NRXN1: variants seen among roughly 807,000 people sequenced by gnomAD.
NRXN1 encodes the protein neurexin 1.
NRXN1 carries 39 observed loss-of-function variants against 150.9 expected under a neutral mutation model. The observed-to-expected ratio is 0.26, with a 90% CI of 0.20 to 0.34. The LOEUF is 0.34. Ranked by LOEUF, NRXN1 falls within the 10% of genes least tolerant of loss-of-function variation. The probability of loss-of-function intolerance (pLI) is 1.00; values close to 1 mark genes in which losing one functional copy is unlikely to be tolerated. For synonymous variants in NRXN1, 924 were observed against 757.0 expected, an observed-to-expected ratio of 1.22 and a Z score of -3.62; for missense variants, 1,815 against 1,949.9, an observed-to-expected ratio of 0.93 and a Z score of 1.30.
intron 1 of NRXN1, among the ~76,000 whole-genome samples, chr2:51,030,119 C>T (rs1367931053): frequency 6.6e-6 from 1 of 151,494 alleles, no homozygotes; most frequent in Non-Finnish European, 1.5e-5. Flanking sequence ...GATTTTTTTC[C>T]TAAGTCATTT....
chr2:50,913,213 A>G (rs1365058514), intron 5 of NRXN1, among the ~76,000 whole-genome samples: 1 of 151,826 alleles, frequency 6.6e-6, no homozygotes, highest in East Asian at 1.9e-4. Flanking sequence ...AGTTTAGAGG[A>G]AGATTTCTGG....
intron 2 of NRXN1, among the ~76,000 whole-genome samples, chr2:51,022,914 T>A (rs1669857620): frequency 6.6e-6 from 1 of 152,158 alleles, no homozygotes; most frequent in Non-Finnish European, 1.5e-5. Flanking sequence ...GCCACTGGGT[T>A]CCAAAGACCC....
chr2:50,503,414 C>T (rs2092055611), intron 13 of NRXN1, among the ~76,000 whole-genome samples: 1 of 151,540 alleles, frequency 6.6e-6, no homozygotes, highest in African/African-American at 2.4e-5. Context: ...TAATGAAACT[C>T]ACACTGGCAA....
At chr2:50,551,430 A>G (rs545061934) in intron 9 of NRXN1, 1 of 152,396 alleles carries the variant, frequency 6.6e-6, no homozygotes, top group African/African-American at 2.4e-5. Context: ...GAAGTAGAAA[A>G]TAGTTCAGCT....
chr2:50,523,097 G>C (rs2092841824), intron 12 of NRXN1, among the ~76,000 whole-genome samples: 1 of 151,628 alleles, frequency 6.6e-6, no homozygotes, highest in Admixed American at 6.6e-5. Flanking sequence ...GTTTTTATTT[G>C]TTTTCTGTCA....
At chr2:50,317,612 C>T (rs186980561) in intron 17 of NRXN1, among the ~76,000 whole-genome samples, 90 of 151,700 alleles carry the variant, frequency 5.9e-4, no homozygotes, top group African/African-American at 2.1e-3. Context: ...ACGAATGAAA[C>T]ATCTAAATAA....
intron 17 of NRXN1, among the ~76,000 whole-genome samples, chr2:50,458,736 G>C (rs557438055): frequency 2.2e-4 from 33 of 151,902 alleles, no homozygotes; most frequent in Admixed American, 1.8e-3. Context: ...TGTACCACCA[G>C]GCCCAGCTAA....
chr2:50,274,770 C>A (rs2070212298), intron 17 of NRXN1, among the ~76,000 whole-genome samples: 1 of 151,394 alleles, frequency 6.6e-6, no homozygotes, highest in Non-Finnish European at 1.5e-5. Context: ...GTCAAAAATG[C>A]CTTTCAACTA....
intron 21 of NRXN1, among the ~76,000 whole-genome samples, chr2:49,959,502 A>T (rs1675540042): frequency 6.6e-6 from 1 of 152,152 alleles, no homozygotes; most frequent in African/African-American, 2.4e-5. Flanking sequence ...CAAATTGAGA[A>T]GCCCTGGTAC....
intron 5 of NRXN1, among the ~76,000 whole-genome samples, chr2:50,682,806 A>C (rs979869778): frequency 6.6e-6 from 1 of 152,176 alleles, no homozygotes; most frequent in Non-Finnish European, 1.5e-5. Context: ...TAACATAGGA[A>C]AAATTTTAAA....
chr2:50,059,832 G>C (rs1694233561), intron 19 of NRXN1, among the ~76,000 whole-genome samples: 1 of 152,206 alleles, frequency 6.6e-6, no homozygotes, highest in Admixed American at 6.5e-5. Context: ...TGGGTGCAAA[G>C]AAGTCAAGTA....
chr2:50,332,174 A>T (rs2076880225), intron 17 of NRXN1, among the ~76,000 whole-genome samples: 1 of 152,196 alleles, frequency 6.6e-6, no homozygotes, highest in African/African-American at 2.4e-5. Context: ...TGTTGCAGGC[A>T]ATTTATTATA....
chr2:50,347,728 C>T lies in NRXN1; in HGVS notation c.3365-110758G>A. The T allele has an allele frequency of 1.0e-6, 1 of 986,148 alleles. No homozygotes were observed. The highest frequency in any genetic ancestry group is 1.2e-6 in the Non-Finnish European group (1 of 830,660). The allele number at this position is 986,148 out of a possible 1,614,324, so 61.1% of individuals were successfully genotyped here. A position where few individuals can be genotyped will look rare whatever the true frequency, so the allele number is the denominator to read the frequency against. The stretch of plus-strand genomic sequence containing the variant: ...CAGACGAAGGAGTAAGGGAGAGAAA[C>T]AGAAAAAGAAAAAGAAAAAGAAAAA... On this transcript the variant is annotated intron_variant, in intron 17 of 22. Coordinates refer to ENST00000401669, the MANE Select transcript of NRXN1 (RefSeq NM_001330078.2). This position sits in a 1 kb window ranked among gnomAD's most constrained non-coding sequence, Gnocchi z 4.9.
intron 5 of NRXN1, among the ~76,000 whole-genome samples, chr2:50,749,111 G>T (rs1212528474): frequency 6.6e-6 from 1 of 151,970 alleles, no homozygotes; most frequent in African/African-American, 2.4e-5. Context: ...AAACGTATAA[G>T]TCTGTTTTAT....
chr2:50,499,300 G>C (rs920717334), intron 13 of NRXN1, among the ~76,000 whole-genome samples: 7 of 151,938 alleles, frequency 4.6e-5, no homozygotes, highest in Non-Finnish European at 8.8e-5. Context: ...ACTCATCCTT[G>C]GCATGTTCTC....
chr2:50,646,576 G>C (rs1250718609), intron 5 of NRXN1, among the ~76,000 whole-genome samples: 1 of 151,862 alleles, frequency 6.6e-6, no homozygotes, highest in African/African-American at 2.4e-5. Context: ...GGACAAAAAG[G>C]AGCTAAATCA....
At chr2:50,266,575 A>G (rs1199365823) in intron 17 of NRXN1, among the ~76,000 whole-genome samples, 3 of 51,090 alleles carry the variant, frequency 5.9e-5, no homozygotes, top group African/African-American at 2.1e-4. Flanking sequence ...ACACACACAT[A>G]TTTTCTTTCT....
At chr2:50,089,587 G>C (rs1303149852) in intron 19 of NRXN1, among the ~76,000 whole-genome samples, 5 of 152,082 alleles carry the variant, frequency 3.3e-5, no homozygotes, top group African/African-American at 9.7e-5. Flanking sequence ...AGGTGTTCAA[G>C]ACCAGCCTGA....
chr2:49,932,006 T>C (rs1298322289), intron 22 of NRXN1, among the ~76,000 whole-genome samples: 1 of 152,178 alleles, frequency 6.6e-6, no homozygotes, highest in Non-Finnish European at 1.5e-5. Context: ...AAACCTGGTT[T>C]ATAGTAAGAC....
Sources: gnomAD v4.1 joint callset for allele counts (sites outside exome capture counted in the v4.1 genomes callset) on GRCh38, gnomAD v4.1.1 for gene constraint, Gnocchi (gnomAD v3.1) non-coding constraint, MANE v1.5 for transcripts, NCBI Gene and HGNC (gene_info 2026-07-23, HGNC 2026-07-21) for gene names.